SNX24: variants seen among roughly 807,000 people sequenced by gnomAD.
The protein encoded by SNX24 is sorting nexin-24.
A neutral mutation model predicts 28.7 loss-of-function variants in SNX24; 22 were observed. The observed-to-expected ratio is 0.77, with a 90% CI of 0.55 to 1.10. SNX24 has a LOEUF of 1.10. Ranked by LOEUF, SNX24 falls within the 50% of genes least tolerant of loss-of-function variation. The pLI is 0.00. For synonymous variants in SNX24, 69 were observed against 71.5 expected (o/e 0.96, Z 0.18); for missense variants, 221 against 201.1 (o/e 1.10, Z -0.60).
chr5:122,904,811 T>C (rs976941335), intron 1 of SNX24, among the ~76,000 whole-genome samples: 3 of 152,194 alleles, frequency 2.0e-5, no homozygotes, highest in Non-Finnish European at 2.9e-5. Flanking sequence ...CTTTTGGCTT[T>C]CACTTAAACT....
intron 3 of SNX24, among the ~76,000 whole-genome samples, chr5:122,984,334 A>T (rs542203749): frequency 6.6e-6 from 1 of 152,218 alleles, no homozygotes. Flanking sequence ...ACTTCAATCT[A>T]TCAGATTGAT....
At chr5:123,013,769 A>G (rs535334659), downstream of SNX24, among the ~76,000 whole-genome samples, 7 of 152,138 alleles carry the variant, frequency 4.6e-5, no homozygotes, top group Admixed American at 1.3e-4. Flanking sequence ...ACAATATTCT[A>G]TGTCATTTAG....
chr5:122,912,447 T>C (rs997708856), intron 1 of SNX24, among the ~76,000 whole-genome samples: 5 of 152,036 alleles, frequency 3.3e-5, no homozygotes, highest in African/African-American at 1.2e-4. Flanking sequence ...CTTTTCCTAA[T>C]TGAATACCCT....
At chr5:123,025,875 T>A (rs1762845011) in intron 5 of SNX24, 1 of 1,614,022 alleles carries the variant, frequency 6.2e-7, no homozygotes. Context: ...GCCATTGGTG[T>A]CAGGCCCAGC....
chr5:122,980,151 T>C (rs1239231839), intron 3 of SNX24, among the ~76,000 whole-genome samples: 1 of 152,188 alleles, frequency 6.6e-6, no homozygotes, highest in African/African-American at 2.4e-5. Flanking sequence ...AATACACACA[T>C]TAGTCAAGTT....
intron 3 of SNX24, among the ~76,000 whole-genome samples, 190 bp from the exon 4 acceptor site, chr5:122,999,722 C>T (rs765290763): frequency 2.6e-4 from 39 of 152,068 alleles, no homozygotes; most frequent in South Asian, 1.9e-3. Flanking sequence ...CAGGATTTGC[C>T]GGCAATCCCT....
At chr5:122,901,466 G>C (rs1326313500) in intron 1 of SNX24, among the ~76,000 whole-genome samples, 1 of 152,134 alleles carries the variant, frequency 6.6e-6, no homozygotes, top group African/African-American at 2.4e-5. Context: ...AAAACACAAA[G>C]ATATAATAAA....
chr5:122,852,085 TATAA>T (rs1382012427), intron 1 of SNX24, among the ~76,000 whole-genome samples: 1 of 151,046 alleles, frequency 6.6e-6, no homozygotes, highest in Non-Finnish European at 1.5e-5. Flanking sequence ...TGTGTGTGTG[TATAA>T]ATATATACAC....
At chr5:122,959,412 T>A (rs1373351939) in intron 3 of SNX24, among the ~76,000 whole-genome samples, 1 of 151,072 alleles carries the variant, frequency 6.6e-6, no homozygotes, top group Non-Finnish European at 1.5e-5. Context: ...ATATATATAT[T>A]AGAGACAAGA....
chr5:123,028,084 G>A (rs541311569), intron 5 of SNX24, among the ~76,000 whole-genome samples: 142 of 152,314 alleles, frequency 9.3e-4, no homozygotes, highest in African/African-American at 3.1e-3. Context: ...CCAAAGGACA[G>A]CAAATAGTAA....
intron 5 of SNX24, among the ~76,000 whole-genome samples, chr5:123,016,713 A>G (rs1459912126): frequency 1.2e-4 from 18 of 151,994 alleles, no homozygotes; most frequent in Non-Finnish European, 5.9e-5. Context: ...ATGGATTTGG[A>G]TGTGGAAGGT....
At chr5:122,915,242 G>T (rs1203565117) in intron 1 of SNX24, among the ~76,000 whole-genome samples, 20 of 152,042 alleles carry the variant, frequency 1.3e-4, no homozygotes, top group Admixed American at 1.3e-3. Context: ...CCATTGCCCT[G>T]TCATCTCACC....
chr5:122,971,205 A>G (rs1760943988), intron 3 of SNX24, among the ~76,000 whole-genome samples: 1 of 152,240 alleles, frequency 6.6e-6, no homozygotes, highest in Non-Finnish European at 1.5e-5. Flanking sequence ...GTTTAAGGGC[A>G]GGAAGCATCC....
intron 6 of SNX24, among the ~76,000 whole-genome samples, chr5:123,003,323 C>T (rs1397516475): frequency 2.6e-5 from 4 of 152,112 alleles, no homozygotes; most frequent in East Asian, 3.9e-4. Flanking sequence ...ATAAGATCCT[C>T]GCAGTGAAGA....
At chr5:122,945,954 C>A in intron 2 of SNX24, 101 bp from the exon 3 acceptor site, 2 of 595,478 alleles carry the variant, frequency 3.4e-6, no homozygotes, top group Non-Finnish European at 5.9e-6. Flanking sequence ...AGCAGTAGTT[C>A]ACTTTCTTTT....
rs199717320 is a variant in SNX24 at position 122,936,832 on chromosome 5, G to GT, written c.144+22dup. Reference sequence around the variant, plus strand: ...TGCACAAAAAGGTAACTTGTTTTCTGTTTTTTTGTCTTTTCTCTATGTGGC... The same window carrying GT: ...TGCACAAAAAGGTAACTTGTTTTCTGTTTTTTTTGTCTTTTCTCTATGTGGC... On this transcript the variant is annotated intron_variant, in intron 2 of 6. Coordinates refer to ENST00000261369, the MANE Select transcript of SNX24 (RefSeq NM_014035.4). 3,110 of 1,565,620 alleles carry GT rather than the reference G, an allele frequency of 2.0e-3. 38 individuals carry two copies. The African/African-American group carries it at 0.03, about 15-fold the overall frequency.
In SNX24 at chr5:122,923,095, C is replaced by A. The variant is rs549083060; in HGVS notation, c.61-13639C>A. Among the ~76,000 whole-genome samples the A allele has an allele frequency of 3.5e-4, 54 of 152,168 alleles. 1 individual carries two copies. Among genetic ancestry groups the A allele is most frequent in the African/African-American group, 1.2e-3 (51 of 41,528 alleles). ...CCTGTAATCCCAGCATTTTCGGAGG[C>A]TAAGGCAAGCAGATCGCTTGAAGCC... On this transcript the variant is annotated intron_variant, in intron 1 of 6. Coordinates refer to ENST00000261369, the MANE Select transcript of SNX24 (RefSeq NM_014035.4).
At chr5:122,959,015 C>T (rs1308882077) in intron 3 of SNX24, among the ~76,000 whole-genome samples, 6 of 152,168 alleles carry the variant, frequency 3.9e-5, no homozygotes, top group South Asian at 2.1e-4. Context: ...ACCTAGAATG[C>T]GTTAGGGTGT....
chr5:122,892,428 AATTT>A (rs1382751498), intron 1 of SNX24, among the ~76,000 whole-genome samples: 1 of 151,708 alleles, frequency 6.6e-6, no homozygotes, highest in Non-Finnish European at 1.5e-5. Context: ...CCTTTAAATA[AATTT>A]ATTTATTTTT....
Sources: gnomAD v4.1 joint callset for allele counts (sites outside exome capture counted in the v4.1 genomes callset) on GRCh38, gnomAD v4.1.1 for gene constraint, MANE v1.5 for transcripts, NCBI Gene and HGNC (gene_info 2026-07-23, HGNC 2026-07-21) for gene names.